Variants in STIM2 observed in about 807,000 individuals in gnomAD.
The protein encoded by STIM2 is stromal interaction molecule 2.
A neutral mutation model predicts 85.8 loss-of-function variants in STIM2; 31 were observed. The ratio of observed to expected loss-of-function variants is 0.36; its 90% CI spans 0.27 to 0.49. The LOEUF (loss-of-function observed/expected upper bound fraction) is 0.49, where lower values mean the gene tolerates loss of function less well. Among genes scored for constraint, STIM2 ranks in the 20% least tolerant of loss-of-function variants. The probability of loss-of-function intolerance (pLI) is 0.98; values close to 1 mark genes in which losing one functional copy is unlikely to be tolerated. For synonymous variants in STIM2, 356 were observed against 331.1 expected (o/e 1.08, Z -0.82); for missense variants, 841 against 927.6 (o/e 0.91, Z 1.21).
intron 1 of STIM2, among the ~76,000 whole-genome samples, chr4:26,899,844 C>T (rs1488420795): frequency 6.6e-6 from 1 of 152,098 alleles, no homozygotes; most frequent in Non-Finnish European, 1.5e-5. Context: ...AAGCTTTTCA[C>T]ACTTGTAAAA....
At chr4:26,984,422 G>A (rs1473983808) in intron 3 of STIM2, among the ~76,000 whole-genome samples, 4 of 152,174 alleles carry the variant, frequency 2.6e-5, no homozygotes, top group Admixed American at 1.3e-4. Context: ...ATGCAGTAGC[G>A]TGATCTCGGC....
At chr4:26,953,838 A>C (rs1392762262) in intron 2 of STIM2, among the ~76,000 whole-genome samples, 1 of 152,002 alleles carries the variant, frequency 6.6e-6, no homozygotes, top group African/African-American at 2.4e-5. Context: ...TGTGTTTATC[A>C]CCCTAAAAGT....
chr4:26,999,131 T>C (rs1577488313), intron 4 of STIM2, 101 bp from the exon 5 acceptor site: 2 of 398,156 alleles, frequency 5.0e-6, no homozygotes, highest in East Asian at 9.7e-5. Context: ...ATCAATAATA[T>C]GTAAAGTGTT....
intron 3 of STIM2, among the ~76,000 whole-genome samples, chr4:26,979,487 G>GT (rs990469419): frequency 6.6e-6 from 1 of 152,122 alleles, no homozygotes; most frequent in Admixed American, 6.6e-5. Context: ...AACGTGGAAG[G>GT]TTTTTGCAGT....
intron 3 of STIM2, among the ~76,000 whole-genome samples, chr4:26,973,848 T>C (rs1448492244): frequency 2.0e-4 from 31 of 152,188 alleles, no homozygotes; most frequent in Admixed American, 2.0e-3. Context: ...TGTTAAAGTC[T>C]TCCATTATTA....
intron 9 of STIM2, 41 bp from the exon 10 acceptor site, chr4:27,008,722 AC>A: frequency 6.3e-7 from 1 of 1,587,282 alleles, no homozygotes; most frequent in Non-Finnish European, 8.6e-7. Flanking sequence ...CATATTAAAG[AC>A]CTTTTGATGC....
intron 3 of STIM2, 56 bp from the exon 4 acceptor site, chr4:26,995,323 T>C (rs185650385): frequency 3.5e-5 from 31 of 878,906 alleles, no homozygotes; most frequent in Non-Finnish European, 5.4e-5. Context: ...TTATAGAATA[T>C]GTATTTCTGA....
intron 2 of STIM2, among the ~76,000 whole-genome samples, chr4:26,933,764 AAAAG>A (rs1268027379): frequency 6.6e-6 from 1 of 151,680 alleles, no homozygotes; most frequent in African/African-American, 2.4e-5. Context: ...AACAAGAAAA[AAAAG>A]GTTTTTGAGT....
intron 1 of STIM2, among the ~76,000 whole-genome samples, chr4:26,887,701 G>T (rs73811400): frequency 0.3 from 46,112 of 151,938 alleles, 7,278 homozygotes; most frequent in East Asian, 0.41. Flanking sequence ...GAATGTATAT[G>T]TTCATTATTA....
Position 26,957,726 on chromosome 4 carries a change from G to C in STIM2, c.397G>C (p.Val133Leu). 1 of 1,583,954 alleles carries C rather than the reference G, an allele frequency of 6.3e-7. No individual in the cohort carries two copies. Among genetic ancestry groups the C allele is most frequent in the Non-Finnish European group, 8.6e-7 (1 of 1,162,082 alleles). Residue 133 changes from valine (V) to leucine (L), a missense_variant and splice_region_variant, in exon 3 of 12, where the codon GTT (valine) becomes CTT (leucine). Physicochemically the swap from Val to Leu is conservative, Grantham distance 32. Around this residue, in one of 3 missense-constraint regions of STIM2, gnomAD observed 408 missense variants for 525.4 expected, o/e 0.78. Transcript: ENST00000467087. ...ATGGAAACGATGGAAAACATCAGAA[G>C]GTAAGACTGCCTTTGTGATCTGGCC...
chr4:26,878,912 G>T (rs993620606), intron 1 of STIM2, among the ~76,000 whole-genome samples: 4 of 152,106 alleles, frequency 2.6e-5, no homozygotes, highest in African/African-American at 9.7e-5. Context: ...CAGCATGGGG[G>T]AAACTACCCC....
At chr4:26,882,709 G>C (rs769465465) in intron 1 of STIM2, among the ~76,000 whole-genome samples, 1 of 152,004 alleles carries the variant, frequency 6.6e-6, no homozygotes, top group Non-Finnish European at 1.5e-5. Flanking sequence ...CAGTCCTTCT[G>C]CCTTGACCTC....
intron 1 of STIM2, among the ~76,000 whole-genome samples, chr4:26,877,344 A>G (rs1043276814): frequency 6.6e-6 from 1 of 152,122 alleles, no homozygotes; most frequent in Non-Finnish European, 1.5e-5. Context: ...TATCCCTGCT[A>G]AAATTTCCTG....
intron 3 of STIM2, among the ~76,000 whole-genome samples, chr4:26,960,405 C>T (rs544650443): frequency 6.6e-6 from 1 of 152,218 alleles, no homozygotes; most frequent in South Asian, 2.1e-4. Flanking sequence ...ATAAAACACA[C>T]ACACACATAC....
chr4:27,015,789 G>GTTT (rs5856964), intron 10 of STIM2, among the ~76,000 whole-genome samples: 1 of 131,814 alleles, frequency 7.6e-6, no homozygotes, highest in Non-Finnish European at 1.6e-5. Context: ...GATTTAAACA[G>GTTT]TTTTTTTTTT....
At chr4:26,905,531 A>G (rs958036073) in intron 1 of STIM2, among the ~76,000 whole-genome samples, 4 of 152,194 alleles carry the variant, frequency 2.6e-5, no homozygotes, top group Non-Finnish European at 4.4e-5. Context: ...TGGGAAGAAT[A>G]ATCAAGAAAG....
At chr4:26,907,833 A>G (rs1724186393) in intron 1 of STIM2, among the ~76,000 whole-genome samples, 1 of 152,222 alleles carries the variant, frequency 6.6e-6, no homozygotes, top group Admixed American at 6.5e-5. Context: ...ATTTACAAAT[A>G]TCATTGAACA....
chr4:26,897,640 C>T (rs1250958890), intron 1 of STIM2, among the ~76,000 whole-genome samples: 3 of 152,172 alleles, frequency 2.0e-5, no homozygotes, highest in Non-Finnish European at 4.4e-5. Flanking sequence ...CCTCACTATG[C>T]ATTGCTGTCC....
chr4:26,970,607 G>A (rs1456348977), intron 3 of STIM2, among the ~76,000 whole-genome samples: 1 of 152,150 alleles, frequency 6.6e-6, no homozygotes, highest in Non-Finnish European at 1.5e-5. Context: ...GTATTCCATG[G>A]TGTATATGTG....
Sources: allele counts gnomAD v4.1 joint callset (sites outside exome capture counted in the v4.1 genomes callset), GRCh38; gene constraint gnomAD v4.1.1; regional missense constraint gnomAD v4.1.1; transcripts MANE v1.5; gene names NCBI Gene and HGNC (gene_info 2026-07-23, HGNC 2026-07-21).